CACNA2D3: variants seen among roughly 807,000 people sequenced by gnomAD.
CACNA2D3 encodes the protein calcium voltage-gated channel auxiliary subunit alpha2delta 3.
Under a neutral mutation model 160.6 loss-of-function variants are expected in CACNA2D3, and 60 were observed. That is an observed-to-expected ratio of 0.37 (90% CI 0.30 to 0.46). The LOEUF (loss-of-function observed/expected upper bound fraction) is 0.46, where lower values mean the gene tolerates loss of function less well. Ranked by LOEUF, CACNA2D3 falls within the 20% of genes least tolerant of loss-of-function variation. The pLI, the probability that CACNA2D3 is intolerant of heterozygous loss-of-function variation, is 1.00. For synonymous variants in CACNA2D3, 558 were observed against 492.9 expected (o/e 1.13, Z -1.75); for missense variants, 1,205 against 1,365.0 (o/e 0.88, Z 1.85).
At chr3:54,671,869 G>T (rs1287532114) in intron 11 of CACNA2D3, among the ~76,000 whole-genome samples, 1 of 152,222 alleles carries the variant, frequency 6.6e-6, no homozygotes, top group African/African-American at 2.4e-5. Context: ...TTGACCACAA[G>T]TGGGTCTGCC....
chr3:54,993,937 G>GT (rs1702799654), intron 31 of CACNA2D3, among the ~76,000 whole-genome samples: 1 of 145,696 alleles, frequency 6.9e-6, no homozygotes, highest in Non-Finnish European at 1.5e-5. Flanking sequence ...GTGTGTGTGT[G>GT]GTTTTGCGTG....
chr3:54,651,429 A>G (rs902045787), intron 11 of CACNA2D3, among the ~76,000 whole-genome samples: 103 of 151,704 alleles, frequency 6.8e-4, no homozygotes, highest in Non-Finnish European at 1.3e-3. Context: ...TCTCGAGAAA[A>G]AAAAAAAAAA....
chr3:54,721,606 C>G (rs1701170411), intron 11 of CACNA2D3, among the ~76,000 whole-genome samples: 1 of 151,752 alleles, frequency 6.6e-6, no homozygotes, highest in Admixed American at 6.6e-5. Flanking sequence ...ACTAAAAATA[C>G]AAAAATTAGC....
intron 3 of CACNA2D3, among the ~76,000 whole-genome samples, chr3:54,369,383 C>T (rs1214528375): frequency 6.6e-6 from 1 of 152,156 alleles, no homozygotes; most frequent in African/African-American, 2.4e-5. Flanking sequence ...CCTGCATGTG[C>T]TCAGTGGTGT....
intron 5 of CACNA2D3, among the ~76,000 whole-genome samples, chr3:54,510,075 A>C (rs1436683183): frequency 6.6e-6 from 1 of 152,080 alleles, no homozygotes; most frequent in Non-Finnish European, 1.5e-5. Context: ...GAGTAGGTGG[A>C]TGGATGGATA....
At chr3:54,286,566 G>A (rs1007732745) in intron 2 of CACNA2D3, among the ~76,000 whole-genome samples, 1 of 152,126 alleles carries the variant, frequency 6.6e-6, no homozygotes, top group African/African-American at 2.4e-5. Context: ...TCAGATTCAG[G>A]AAATACAGAG....
chr3:54,637,283 G>T (rs1196243306), intron 10 of CACNA2D3, among the ~76,000 whole-genome samples: 1 of 151,764 alleles, frequency 6.6e-6, no homozygotes, highest in East Asian at 1.9e-4. Flanking sequence ...GATGGTAAGG[G>T]GTGCATGATC....
intron 13 of CACNA2D3, among the ~76,000 whole-genome samples, chr3:54,789,619 CCT>C (rs1435039284): frequency 6.6e-6 from 1 of 152,080 alleles, no homozygotes; most frequent in African/African-American, 2.4e-5. Flanking sequence ...TGCTTTCTCT[CCT>C]CTTAATTGTG....
chr3:54,390,084 CAT>C (rs1699253867), intron 4 of CACNA2D3, among the ~76,000 whole-genome samples: 3 of 152,072 alleles, frequency 2.0e-5, no homozygotes, highest in South Asian at 2.1e-4. Flanking sequence ...ATTTATGGCT[CAT>C]GTGGTCAGTT....
chr3:54,165,606 A>AG, intron 2 of CACNA2D3, among the ~76,000 whole-genome samples: 1 of 122,388 alleles, frequency 8.2e-6, no homozygotes, highest in South Asian at 3.2e-4. Flanking sequence ...TCTCTAAAAA[A>AG]AAAAAAAAAA....
chr3:54,357,315 A>G (rs1279336843), intron 3 of CACNA2D3, among the ~76,000 whole-genome samples: 2 of 152,242 alleles, frequency 1.3e-5, no homozygotes, highest in Non-Finnish European at 2.9e-5. Context: ...CATATTGAAT[A>G]TCAAATCTTG....
chr3:54,199,991 T>G (rs1442235312), intron 2 of CACNA2D3, among the ~76,000 whole-genome samples: 1 of 152,208 alleles, frequency 6.6e-6, no homozygotes, highest in African/African-American at 2.4e-5. Context: ...ATGACTGCTT[T>G]TGTGCTATCC....
intron 4 of CACNA2D3, among the ~76,000 whole-genome samples, chr3:54,462,659 C>G (rs1166401298): frequency 6.6e-6 from 1 of 152,112 alleles, no homozygotes; most frequent in African/African-American, 2.4e-5. Flanking sequence ...TATTTTGAAC[C>G]CATGTGTGTC....
intron 12 of CACNA2D3, among the ~76,000 whole-genome samples, chr3:54,762,232 C>G (rs533670163): frequency 1.1e-4 from 17 of 152,292 alleles, no homozygotes; most frequent in African/African-American, 4.1e-4. Context: ...TCTACCCTCT[C>G]TCTACCAACT....
At chr3:54,338,217 A>C (rs1440499679) in intron 3 of CACNA2D3, among the ~76,000 whole-genome samples, 1 of 152,230 alleles carries the variant, frequency 6.6e-6, no homozygotes, top group East Asian at 1.9e-4. Context: ...ACATTTGGGA[A>C]CAATGTTTTT....
intron 3 of CACNA2D3, among the ~76,000 whole-genome samples, chr3:54,328,473 G>A (rs575280576): frequency 4.7e-4 from 72 of 152,062 alleles, no homozygotes; most frequent in African/African-American, 1.6e-3. Flanking sequence ...GTAGAGATGG[G>A]ATTTCACCAT....
At chr3:54,137,034 C>T (rs1199268548) in intron 2 of CACNA2D3, among the ~76,000 whole-genome samples, 4 of 152,226 alleles carry the variant, frequency 2.6e-5, no homozygotes, top group South Asian at 4.1e-4. Context: ...TCTTCTCTCC[C>T]GGCCTGTGCA....
At chr3:54,963,468 A>T (rs1426359218) in intron 27 of CACNA2D3, among the ~76,000 whole-genome samples, 1 of 152,182 alleles carries the variant, frequency 6.6e-6, no homozygotes, top group Non-Finnish European at 1.5e-5. Context: ...GGAGCACTTG[A>T]CATCTAACTA....
At chr3:54,900,791 TGGA>T (rs1700310607) in intron 27 of CACNA2D3, among the ~76,000 whole-genome samples, 1 of 152,236 alleles carries the variant, frequency 6.6e-6, no homozygotes, top group African/African-American at 2.4e-5. Context: ...ATGGAGCAGA[TGGA>T]GGAGACCTGT....
Sources: allele counts gnomAD v4.1 joint callset (sites outside exome capture counted in the v4.1 genomes callset), GRCh38; gene constraint gnomAD v4.1.1; transcripts MANE v1.5; gene names NCBI Gene and HGNC (gene_info 2026-07-23, HGNC 2026-07-21).